Variants in PROM1 observed in about 807,000 individuals in gnomAD.
PROM1 encodes the protein prominin-1.
In PROM1, 105 loss-of-function variants were observed where a neutral mutation model predicts 116.9. That is an observed-to-expected ratio of 0.90 (90% confidence interval 0.77 to 1.06). The LOEUF is 1.06. PROM1 is among the 50% of genes least tolerant of loss of function. The pLI is 0.00. For synonymous variants in PROM1, 393 were observed against 387.0 expected (o/e 1.02, Z -0.18); for missense variants, 1,122 against 1,045.2 (o/e 1.07, Z -1.01).
At position 16,045,616 on chromosome 4, in the gene PROM1, C is replaced by G. The variant is rs552932307; in HGVS notation, c.221-6615G>C. 2.3e-3 allele frequency among the ~76,000 whole-genome samples: 351 copies of G among 152,212 alleles called. 1 individual carries two copies. The highest frequency in any genetic ancestry group is 8.2e-3 in the African/African-American group (340 of 41,528). On this transcript the variant is annotated intron_variant, in intron 2 of 27. Coordinates refer to ENST00000447510, the MANE Select transcript of PROM1 (RefSeq NM_006017.3). ...GCCTATCCTGTCAGCTTTGACTAAA[C>G]AAAGAATGAGAAAAAACAAAACAAA...
chr4:16,006,838 G>T, intron 12 of PROM1, 148 bp from the exon 13 acceptor site: 1 of 766,508 alleles, frequency 1.3e-6, no homozygotes, highest in Non-Finnish European at 2.0e-6. Context: ...CAATAATGTT[G>T]AGTGAAAAGA....
At chr4:16,018,641 G>C in intron 8 of PROM1, 101 bp from the exon 9 acceptor site, 2 of 1,047,912 alleles carry the variant, frequency 1.9e-6, no homozygotes, top group South Asian at 2.9e-5. Context: ...AATGACTTTA[G>C]ATGGCAGTGA....
At chr4:16,029,221 C>T (rs1428559837) in intron 5 of PROM1, among the ~76,000 whole-genome samples, 2 of 152,208 alleles carry the variant, frequency 1.3e-5, no homozygotes, top group Admixed American at 1.3e-4. Flanking sequence ...AATTGGCAAT[C>T]ACGTCCTAGT....
chr4:15,988,833 T>C (rs1401229475), intron 19 of PROM1, among the ~76,000 whole-genome samples: 2 of 152,208 alleles, frequency 1.3e-5, no homozygotes, highest in Non-Finnish European at 2.9e-5. Context: ...GTGAATAATC[T>C]AATAAATTAG....
intron 11 of PROM1, among the ~76,000 whole-genome samples, chr4:16,010,457 A>G (rs965939529): frequency 3.3e-5 from 5 of 152,232 alleles, no homozygotes; most frequent in Non-Finnish European, 7.3e-5. Context: ...GGTAGAGAAC[A>G]GAATGGTAGC....
intron 1 of PROM1, chr4:16,078,076 A>G (rs1744317829): frequency 6.6e-6 from 1 of 152,230 alleles, no homozygotes. Flanking sequence ...GATGAAAGCC[A>G]GGGCAGAGGG....
intron 3 of PROM1, 112 bp from the exon 4 acceptor site, chr4:16,035,873 A>C: frequency 1.0e-6 from 1 of 984,966 alleles, no homozygotes; most frequent in Non-Finnish European, 1.6e-6. Flanking sequence ...ATATCCCACA[A>C]GGAGGAAATT....
chr4:16,076,203 C>T (rs1373799517), intron 1 of PROM1, 85 bp from the exon 2 acceptor site: 2 of 347,502 alleles, frequency 5.8e-6, no homozygotes, highest in Non-Finnish European at 1.0e-5. Flanking sequence ...CGCTGCAAAG[C>T]TTTAGAGCAA....
In PROM1 at chr4:15,971,089, A is replaced by C; in HGVS notation, c.2583-7T>G. 6.4e-7 allele frequency: 1 copy of C among 1,565,226 alleles called. No homozygotes were observed. Among genetic ancestry groups the C allele is most frequent in the South Asian group, 1.2e-5 (1 of 85,186 alleles). On this transcript the variant is annotated splice_region_variant and splice_polypyrimidine_tract_variant and intron_variant, in intron 26 of 27. Transcript: ENST00000447510. ...CTATCAATGTTGTGATGGGCTAAAA[A>C]ACAAAAAAATAAAGAAATATAATAC...
intron 10 of PROM1, among the ~76,000 whole-genome samples, chr4:16,013,802 C>T (rs904309998): frequency 3.3e-5 from 5 of 152,216 alleles, no homozygotes; most frequent in African/African-American, 7.2e-5. Context: ...GAGCCCCCGC[C>T]GCTAACAGCC....
chr4:15,982,751 G>T (rs532811525), intron 23 of PROM1, among the ~76,000 whole-genome samples: 1 of 152,160 alleles, frequency 6.6e-6, no homozygotes, highest in African/African-American at 2.4e-5. Context: ...CCTAATGAAG[G>T]CTTCAGCCAA....
intron 8 of PROM1, among the ~76,000 whole-genome samples, chr4:16,022,573 C>G (rs982399911): frequency 2.7e-5 from 4 of 150,166 alleles, no homozygotes; most frequent in African/African-American, 9.9e-5. Flanking sequence ...CAATTCTCTT[C>G]TTTATGGACT....
intron 2 of PROM1, among the ~76,000 whole-genome samples, chr4:16,048,613 G>T (rs1461444649): frequency 6.6e-6 from 1 of 152,030 alleles, no homozygotes; most frequent in East Asian, 1.9e-4. Context: ...CACCTTTAGG[G>T]TACTTTTTTC....
chr4:16,018,534 T>C lies in PROM1; in HGVS notation c.791A>G (p.Lys264Arg). The C allele has an allele frequency of 6.2e-7, 1 of 1,605,696 alleles. No individual in the cohort carries two copies. The highest frequency in any genetic ancestry group is 8.5e-7 in the Non-Finnish European group (1 of 1,176,560). Residue 264 changes from lysine to arginine, a missense_variant, in exon 9 of 28, where the codon AAG becomes AGG. Lys to Arg is a conservative substitution (Grantham distance 26). Coordinates refer to ENST00000447510, the MANE Select transcript of PROM1 (RefSeq NM_006017.3). ...GTTCTCCAACGCCTCTTTGGTCTCC[T>C]TGATCGCTATGGAAACACAGCCCGC... ...DEIKSMATAI[K>R]ETKEALENMN...
intron 16 of PROM1, 44 bp downstream of exon 16, chr4:15,993,943 G>GT: frequency 6.3e-7 from 1 of 1,575,538 alleles, no homozygotes; most frequent in Non-Finnish European, 8.6e-7. Flanking sequence ...CCTAGATTTG[G>GT]TGAAGGAATG....
Position 16,062,036 on chromosome 4 carries a change from C to T in PROM1, c.220+13651G>A, listed in dbSNP as rs60197637. Among the ~76,000 whole-genome samples, 587 of 152,050 alleles carry T rather than the reference C, an allele frequency of 3.9e-3. 3 individuals are homozygous for T. The highest frequency in any genetic ancestry group is 0.013 in the African/African-American group (548 of 41,506). ...CCCCCGGAGTAGCTGGGACTACGGG[C>T]GCCTGCCACCACGCCCGGCTAATTT... On this transcript the variant is annotated intron_variant, in intron 2 of 27. Coordinates refer to ENST00000447510, the MANE Select transcript of PROM1 (RefSeq NM_006017.3).
intron 23 of PROM1, among the ~76,000 whole-genome samples, 165 bp from the exon 24 acceptor site, chr4:15,980,702 T>C (rs1013258756): frequency 6.6e-5 from 10 of 151,406 alleles, no homozygotes; most frequent in Non-Finnish European, 1.2e-4. Context: ...CCAGGCACTG[T>C]GTGAAGTGCT....
chr4:16,053,435 C>A (rs1738310239), intron 2 of PROM1, among the ~76,000 whole-genome samples: 1 of 152,200 alleles, frequency 6.6e-6, no homozygotes, highest in South Asian at 2.1e-4. Flanking sequence ...TTAAGAGTTT[C>A]TTTCTCCCTT....
intron 2 of PROM1, among the ~76,000 whole-genome samples, chr4:16,069,935 G>C (rs1221812936): frequency 6.6e-6 from 1 of 152,174 alleles, no homozygotes; most frequent in Non-Finnish European, 1.5e-5. Context: ...TGCTTTATTT[G>C]AACAGGATTT....
Sources: allele counts gnomAD v4.1 joint callset (sites outside exome capture counted in the v4.1 genomes callset), GRCh38; gene constraint gnomAD v4.1.1; transcripts MANE v1.5; gene names NCBI Gene and HGNC (gene_info 2026-07-23, HGNC 2026-07-21).